ARB2A: variants seen among roughly 807,000 people sequenced by gnomAD.
ARB2A encodes ARB2 cotranscriptional regulator A.
chr5:93,721,603 G>A, the ARB2A span, among the ~76,000 whole-genome samples: 1 of 152,130 alleles, frequency 6.6e-6, no homozygotes, highest in African/African-American at 2.4e-5. Flanking sequence ...ATCATGCTAG[G>A]TATTGCTGAG....
At chr5:94,048,158 G>A in the ARB2A span, among the ~76,000 whole-genome samples, 4 of 136,132 alleles carry the variant, frequency 2.9e-5, no homozygotes, top group Admixed American at 8.6e-5. Flanking sequence ...GGGTTCAAAC[G>A]ATTCTCCTGC....
At chr5:93,669,740 A>C in the ARB2A span, among the ~76,000 whole-genome samples, 1 of 152,172 alleles carries the variant, frequency 6.6e-6, no homozygotes, top group Non-Finnish European at 1.5e-5. Flanking sequence ...ACAGCCTGTT[A>C]GTCAACGGTG....
the ARB2A span, among the ~76,000 whole-genome samples, chr5:93,791,627 T>C: frequency 6.6e-6 from 1 of 152,212 alleles, no homozygotes; most frequent in African/African-American, 2.4e-5. Flanking sequence ...AACATTCTCT[T>C]TTCCTGTGCT....
chr5:93,876,155 T>C, the ARB2A span, among the ~76,000 whole-genome samples: 1 of 152,196 alleles, frequency 6.6e-6, no homozygotes, highest in Non-Finnish European at 1.5e-5. Flanking sequence ...CTATAACCAG[T>C]GGTGATTAAC....
the ARB2A span, chr5:93,881,545 T>C: frequency 6.2e-7 from 1 of 1,610,824 alleles, no homozygotes; most frequent in South Asian, 1.1e-5. Context: ...GTCGCTTCTT[T>C]GTTTCTTTAG....
the ARB2A span, among the ~76,000 whole-genome samples, chr5:93,640,171 T>A: frequency 6.7e-6 from 1 of 150,256 alleles, no homozygotes; most frequent in African/African-American, 2.5e-5. Flanking sequence ...ATTGGCCAGG[T>A]GTGGTGGCTC....
the ARB2A span, among the ~76,000 whole-genome samples, chr5:94,029,479 AT>A: frequency 1.3e-5 from 2 of 152,198 alleles, no homozygotes; most frequent in Admixed American, 1.3e-4. Flanking sequence ...CTTTTCATCT[AT>A]CCCCTGTATT....
the ARB2A span, among the ~76,000 whole-genome samples, chr5:93,825,908 A>G: frequency 1.3e-5 from 2 of 151,680 alleles, no homozygotes; most frequent in Admixed American, 1.3e-4. Flanking sequence ...ATGAATAATA[A>G]ATATTTTCTG....
the ARB2A span, among the ~76,000 whole-genome samples, chr5:93,624,416 G>A: frequency 3.9e-5 from 6 of 152,068 alleles, no homozygotes; most frequent in Non-Finnish European, 7.4e-5. Flanking sequence ...AAAATATAAG[G>A]AGTAAAATGT....
chr5:93,649,343 G>A, the ARB2A span, among the ~76,000 whole-genome samples: 1 of 152,050 alleles, frequency 6.6e-6, no homozygotes, highest in African/African-American at 2.4e-5. Context: ...CCAAAAGCAG[G>A]CAGAGACTGG....
chr5:93,869,850 C>A, the ARB2A span, among the ~76,000 whole-genome samples: 1 of 152,208 alleles, frequency 6.6e-6, no homozygotes, highest in South Asian at 2.1e-4. Context: ...CACTGCCTAT[C>A]CCAAAACCTG....
chr5:93,793,311 T>A, the ARB2A span, among the ~76,000 whole-genome samples: 2 of 147,400 alleles, frequency 1.4e-5, no homozygotes, highest in Non-Finnish European at 3.0e-5. Flanking sequence ...CTTGAACTCC[T>A]GGCCTCAGGC....
chr5:93,625,221 A>C, the ARB2A span, among the ~76,000 whole-genome samples: 7 of 152,262 alleles, frequency 4.6e-5, no homozygotes, highest in South Asian at 1.2e-3. Context: ...AATTACTTTT[A>C]TTCCTTCTAC....
chr5:93,697,650 A>T, the ARB2A span, among the ~76,000 whole-genome samples: 27 of 152,320 alleles, frequency 1.8e-4, 2 homozygotes, highest in Non-Finnish European at 1.5e-5. Context: ...AAAATAATGC[A>T]GGGAATTAAT....
the ARB2A span, among the ~76,000 whole-genome samples, chr5:93,627,602 G>A: frequency 2.2e-4 from 33 of 151,910 alleles, no homozygotes; most frequent in Non-Finnish European, 4.0e-4. Context: ...GCACCACCAC[G>A]CCCAGCTAAT....
At chr5:94,056,882 G>T in the ARB2A span, among the ~76,000 whole-genome samples, 1 of 152,162 alleles carries the variant, frequency 6.6e-6, no homozygotes, top group African/African-American at 2.4e-5. Flanking sequence ...TGACTGTGAG[G>T]ATGTTTCTGG....
At chr5:93,784,093 T>G in the ARB2A span, 1 of 212,818 alleles carries the variant, frequency 4.7e-6, no homozygotes, top group African/African-American at 2.3e-5. Context: ...AATAAGAATC[T>G]CCTAACTCCA....
At chr5:93,751,671 A>C in the ARB2A span, among the ~76,000 whole-genome samples, 1 of 152,226 alleles carries the variant, frequency 6.6e-6, no homozygotes, top group African/African-American at 2.4e-5. Flanking sequence ...TTCACTTTGA[A>C]AGTTCATTTT....
At chr5:93,645,603 A>C in the ARB2A span, among the ~76,000 whole-genome samples, 1 of 152,048 alleles carries the variant, frequency 6.6e-6, no homozygotes, top group Non-Finnish European at 1.5e-5. Flanking sequence ...AAATAGAGAA[A>C]ATGTTAAAAA....
Sources: gnomAD v4.1 joint callset for allele counts (sites outside exome capture counted in the v4.1 genomes callset) on GRCh38, gnomAD v4.1.1 for gene constraint, MANE v1.5 for transcripts, NCBI Gene and HGNC (gene_info 2026-07-23, HGNC 2026-07-21) for gene names.